The following TPD52L1 variants were observed in gnomAD, a reference collection of about 807,000 sequenced individuals.
TPD52L1 encodes the protein TPD52 like 1, also known as tumor protein D53.
TPD52L1 carries 18 observed loss-of-function variants against 28.7 expected under a neutral mutation model. The ratio of observed to expected loss-of-function variants is 0.63; its 90% CI spans 0.43 to 0.93. The LOEUF (loss-of-function observed/expected upper bound fraction) is 0.93. Ranked by LOEUF, TPD52L1 falls within the 40% of genes least tolerant of loss-of-function variation. TPD52L1 has a pLI of 0.00. For synonymous variants in TPD52L1, 75 were observed against 88.8 expected, an observed-to-expected ratio of 0.84 and a Z score of 0.88; for missense variants, 203 against 254.8, an observed-to-expected ratio of 0.80 and a Z score of 1.39.
intron 1 of TPD52L1, among the ~76,000 whole-genome samples, chr6:125,159,103 A>G (rs1790338955): frequency 6.6e-6 from 1 of 152,250 alleles, no homozygotes; most frequent in Admixed American, 6.5e-5. Flanking sequence ...TATTAAAGTA[A>G]GACAACGAGG....
intron 4 of TPD52L1, among the ~76,000 whole-genome samples, chr6:125,251,496 T>C (rs959092018): frequency 1.3e-5 from 2 of 152,220 alleles, no homozygotes; most frequent in Non-Finnish European, 2.9e-5. Flanking sequence ...TTGTATGTTT[T>C]GTAAAAATAA....
At chr6:125,248,194 A>T in intron 3 of TPD52L1, 88 bp from the exon 4 acceptor site, 1 of 1,066,442 alleles carries the variant, frequency 9.4e-7, no homozygotes, top group Non-Finnish European at 1.4e-6. Flanking sequence ...TGAGGAAAGG[A>T]CATTTTCAAA....
intron 3 of TPD52L1, among the ~76,000 whole-genome samples, chr6:125,246,056 G>A (rs1047498473): frequency 6.6e-6 from 1 of 152,182 alleles, no homozygotes; most frequent in Admixed American, 6.5e-5. Context: ...TCCTGGAGGC[G>A]CTCTGTGAGA....
intron 5 of TPD52L1, 118 bp from the exon 6 acceptor site, chr6:125,256,980 G>A (rs1302304386): frequency 4.9e-6 from 4 of 808,472 alleles, no homozygotes; most frequent in Admixed American, 5.5e-5. Flanking sequence ...CAGGTGGCAA[G>A]CTGACAGGTA....
chr6:125,214,458 T>C (rs995945612), intron 1 of TPD52L1: 11 of 984,232 alleles, frequency 1.1e-5, no homozygotes, highest in Non-Finnish European at 1.2e-5. Context: ...GGCACATACC[T>C]CCTCGGTAAG....
chr6:125,178,656 A>ATATATATATATATAT (rs1383661753), intron 1 of TPD52L1, among the ~76,000 whole-genome samples: 11 of 149,596 alleles, frequency 7.4e-5, no homozygotes, highest in African/African-American at 2.5e-4. Flanking sequence ...AAAACAAAAC[A>ATATATATATATATAT]AAATATATAT....
At chr6:125,256,818 A>G (rs1480893919) in intron 5 of TPD52L1, among the ~76,000 whole-genome samples, 1 of 152,260 alleles carries the variant, frequency 6.6e-6, no homozygotes, top group Non-Finnish European at 1.5e-5. Flanking sequence ...TTTACAGTGT[A>G]CCATGGAATT....
rs1582813377 is a variant in TPD52L1 at position 125,153,856 on chromosome 6, G to A, written c.-96G>A. ...ACGCGTGCCAGGAGTGGGAGCGAGC[G>A]GCGGGGCCAGCTGCGTTCTGAGCCT... On this transcript the variant is annotated 5_prime_UTR_variant, in exon 1 of 7. Transcript: ENST00000534000. 7.1e-7 allele frequency: 1 copy of A among 1,411,920 alleles called. No individual in the cohort carries two copies. Among genetic ancestry groups the A allele is most frequent in the Non-Finnish European group, 9.5e-7 (1 of 1,055,450 alleles). 87.5% of individuals were successfully genotyped at this position (1,411,920 alleles called of 1,614,324 possible).
intron 3 of TPD52L1, among the ~76,000 whole-genome samples, chr6:125,247,259 A>G (rs1031080009): frequency 6.6e-6 from 1 of 152,154 alleles, no homozygotes; most frequent in African/African-American, 2.4e-5. Context: ...AGAAGACAGC[A>G]TATGCATTTT....
In TPD52L1 at chr6:125,198,012, G is replaced by A. The variant is rs139118321; in HGVS notation, c.20-22066G>A. On this transcript the variant is annotated intron_variant, in intron 1 of 6. Transcript: ENST00000534000. Reference sequence around the variant, plus strand: ...TTAAATAAGAAGCAGCCAAGATCTGGGAAGGTCAACACAGTCAAAGCCCTA... The same window carrying A: ...TTAAATAAGAAGCAGCCAAGATCTGAGAAGGTCAACACAGTCAAAGCCCTA... 4.6e-3 allele frequency among the ~76,000 whole-genome samples: 696 copies of A among 152,284 alleles called. 6 individuals carry two copies. The highest frequency in any genetic ancestry group is 7.5e-3 in the Non-Finnish European group (508 of 68,016).
intron 1 of TPD52L1, among the ~76,000 whole-genome samples, chr6:125,199,662 G>A (rs1425976889): frequency 6.6e-6 from 1 of 152,118 alleles, no homozygotes; most frequent in Non-Finnish European, 1.5e-5. Flanking sequence ...TCCAGCCTGG[G>A]CAACAAAAGC....
At chr6:125,215,664 A>T (rs1235887925) in intron 1 of TPD52L1, among the ~76,000 whole-genome samples, 1 of 152,166 alleles carries the variant, frequency 6.6e-6, no homozygotes, top group Non-Finnish European at 1.5e-5. Context: ...AGAGTTTCTC[A>T]CTTTGTAAGG....
At chr6:125,260,863 A>G (rs1797877700) in intron 6 of TPD52L1, 1 of 150,524 alleles carries the variant, frequency 6.6e-6, no homozygotes, top group African/African-American at 2.5e-5. Context: ...AGAGAGAGAA[A>G]GAAAGAAAAG....
intron 6 of TPD52L1, among the ~76,000 whole-genome samples, chr6:125,260,765 C>G (rs1283248883): frequency 6.6e-6 from 1 of 150,956 alleles, no homozygotes; most frequent in Non-Finnish European, 1.5e-5. Context: ...GAGATTGCAC[C>G]ACTGCACTCC....
chr6:125,201,954 C>T (rs1793821808), intron 1 of TPD52L1, among the ~76,000 whole-genome samples: 1 of 152,118 alleles, frequency 6.6e-6, no homozygotes, highest in Non-Finnish European at 1.5e-5. Flanking sequence ...TGATAAGAGA[C>T]ATTGAAGAAA....
intron 4 of TPD52L1, chr6:125,253,460 T>C (rs541752246): frequency 1.8e-5 from 9 of 491,812 alleles, no homozygotes; most frequent in African/African-American, 1.2e-4. Flanking sequence ...TTCTCAGATT[T>C]CCTGGCAAAA....
At chr6:125,213,888 C>A (rs140271830) in intron 1 of TPD52L1, among the ~76,000 whole-genome samples, 170 of 152,232 alleles carry the variant, frequency 1.1e-3, no homozygotes, top group African/African-American at 3.8e-3. Context: ...AAAAGGGATG[C>A]CTGATTCCAG....
rs1355470610 is a variant in TPD52L1, at chr6:125,159,324, A to C, written c.19+5354A>C. 2.6e-5 allele frequency among the ~76,000 whole-genome samples: 4 copies of C among 152,220 alleles called. No homozygotes were observed. The East Asian group carries it at 7.7e-4, about 29-fold the overall frequency. On this transcript the variant is annotated intron_variant, in intron 1 of 6. Coordinates refer to ENST00000534000, the MANE Select transcript of TPD52L1 (RefSeq NM_003287.4). ...CTGTGAACATCTTCACTGGGAGTAG[A>C]TTCCATCTCAAGAAACCACTCTTTG... is the stretch of plus-strand genomic sequence containing the variant.
At chr6:125,246,925 C>A (rs1796953597) in intron 3 of TPD52L1, among the ~76,000 whole-genome samples, 1 of 151,928 alleles carries the variant, frequency 6.6e-6, no homozygotes, top group South Asian at 2.1e-4. Flanking sequence ...TGTTTTTATA[C>A]TTCCTAAAAA....
Sources: gnomAD v4.1 joint callset for allele counts (sites outside exome capture counted in the v4.1 genomes callset) on GRCh38, gnomAD v4.1.1 for gene constraint, MANE v1.5 for transcripts, NCBI Gene and HGNC (gene_info 2026-07-23, HGNC 2026-07-21) for gene names.